IPO9: variants seen among roughly 807,000 people sequenced by gnomAD.
IPO9 encodes importin-9.
A neutral mutation model predicts 128.6 loss-of-function variants in IPO9; 28 were observed. The ratio of observed to expected loss-of-function variants is 0.22; its 90% CI spans 0.16 to 0.30. The LOEUF is 0.30. Among genes scored for constraint, IPO9 ranks in the 10% least tolerant of loss-of-function variants. The pLI, the probability that IPO9 is intolerant of heterozygous loss-of-function variation, is 1.00. For missense variants in IPO9, 935 were observed against 1,293.9 expected (o/e 0.72, Z 4.26); for synonymous variants, 455 against 475.8 (o/e 0.96, Z 0.57).
chr1:201,855,230 GAAA>G, intron 9 of IPO9, 48 bp downstream of exon 9: 1 of 1,251,322 alleles, frequency 8.0e-7, no homozygotes, highest in Non-Finnish European at 1.2e-6. Context: ...AGTGGGAAAA[GAAA>G]AAGAAGCCAG....
chr1:201,847,673 A>T (rs552346430), intron 3 of IPO9, 35 bp downstream of exon 3: 1 of 1,395,064 alleles, frequency 7.2e-7, no homozygotes, highest in Admixed American at 1.7e-5. Context: ...ACCTGAGGAG[A>T]TTTGAGGGTC....
chr1:201,854,682 T>C lies in IPO9; in HGVS notation c.778T>C (p.Ser260Pro). 6.2e-7 allele frequency: 1 copy of C among 1,614,194 alleles called. No homozygotes were observed. Among genetic ancestry groups the C allele is most frequent in the Non-Finnish European group, 8.5e-7 (1 of 1,180,024 alleles). The change falls in exon 7 of 24, where the codon TCT becomes CCT. Residue 260 changes from serine (S) to proline (P), a missense_variant. By Grantham distance (74) the Ser-to-Pro change is moderately conservative. Transcript: ENST00000361565. ...CCTCCAGATACCAGATGGCCCCACATCTGACAGTGGGTTTAAGATGGAGGT... is the reference window on the plus strand; with the variant it reads ...CCTCCAGATACCAGATGGCCCCACACCTGACAGTGGGTTTAAGATGGAGGT... ...QALQIPDGPT[S>P]DSGFKMEVLK...
At chr1:201,863,710 AATG>A in intron 14 of IPO9, 103 bp downstream of exon 14, 3 of 1,062,758 alleles carry the variant, frequency 2.8e-6, no homozygotes, top group Non-Finnish European at 4.0e-6. Flanking sequence ...AATCCCTGCT[AATG>A]ATATCCTTCA....
chr1:201,847,818 T>C (rs1333161655), intron 3 of IPO9, among the ~76,000 whole-genome samples, 180 bp downstream of exon 3: 1 of 152,206 alleles, frequency 6.6e-6, no homozygotes, highest in Non-Finnish European at 1.5e-5. Flanking sequence ...GGCTGGTCTG[T>C]GTTCAAATTC....
chr1:201,875,086 A>G, intron 22 of IPO9, 66 bp from the exon 23 acceptor site: 3 of 1,469,890 alleles, frequency 2.0e-6, no homozygotes, highest in Non-Finnish European at 2.9e-6. Flanking sequence ...GTGGTAGTAT[A>G]TCACCACTCA....
In IPO9 at chr1:201,876,625, C is replaced by T. The variant is rs555637532; in HGVS notation, c.*571C>T. 1 of 165,188 alleles carries T rather than the reference C, an allele frequency of 6.1e-6. No individual in the cohort carries two copies. The highest frequency in any genetic ancestry group is 2.4e-5 in the African/African-American group (1 of 41,746). 10.2% of individuals were successfully genotyped at this position (165,188 alleles called of 1,614,324 possible). A position where few individuals can be genotyped will look rare whatever the true frequency, so the allele number is the denominator to read the frequency against. On this transcript the variant is annotated 3_prime_UTR_variant, in exon 24 of 24. Transcript: ENST00000361565. ...GCTTCTCTTCTACAACACTAAGGCT[C>T]CTCTGTCAGAGGAGGTCGTCTTGTT...
rs373899858 is a variant in IPO9 at position 201,869,725 on chromosome 1, G to T, written c.2133+7G>T. The T allele has an allele frequency of 6.2e-6, 10 of 1,613,850 alleles. 1 individual carries two copies. The South Asian group carries it at 1.1e-4, about 18-fold the overall frequency. On this transcript the variant is annotated splice_region_variant and intron_variant, in intron 17 of 23. Coordinates refer to ENST00000361565, the MANE Select transcript of IPO9 (RefSeq NM_018085.5). The stretch of plus-strand genomic sequence containing the variant: ...TGACAATGCCACCATGCAGGTATCT[G>T]AGACATGGAGAGTAGAAGAGGGAAG...
rs908636022 is a variant in IPO9, at chr1:201,866,928, C to T, written c.1824C>T (p.Phe608=). Residue 608 remains phenylalanine (F), a synonymous_variant, in exon 15 of 24, where the codon TTC becomes TTT. Coordinates refer to ENST00000361565, the MANE Select transcript of IPO9 (RefSeq NM_018085.5). ...TASMESKICP[F]TIAIFLKYSN... is the part of the protein sequence containing the mutation. ...GCATGGAAAGCAAAATCTGCCCCTT[C>T]ACCATCGCCATTTTCCTAAAGTACA... is the stretch of plus-strand genomic sequence containing the variant. 1.2e-6 allele frequency: 2 copies of T among 1,614,140 alleles called. No individual in the cohort carries two copies. The highest frequency in any genetic ancestry group is 1.7e-6 in the Non-Finnish European group (2 of 1,179,996).
chr1:201,848,287 C>T (rs1258841025), intron 3 of IPO9, 106 bp from the exon 4 acceptor site: 13 of 894,916 alleles, frequency 1.5e-5, no homozygotes, highest in Non-Finnish European at 2.2e-5. Context: ...TGTAGACATG[C>T]AGTACCTTGT....
chr1:201,855,487 A>G (rs978135338), intron 9 of IPO9, among the ~76,000 whole-genome samples: 1 of 152,236 alleles, frequency 6.6e-6, no homozygotes, highest in East Asian at 1.9e-4. Context: ...GTCCCAGATC[A>G]TGAATCTTTC....
intron 13 of IPO9, among the ~76,000 whole-genome samples, chr1:201,859,806 A>G (rs939101552): frequency 1.3e-5 from 2 of 152,094 alleles, no homozygotes; most frequent in Non-Finnish European, 2.9e-5. Flanking sequence ...CTAAAAATAT[A>G]AAAATTAGCT....
intron 1 of IPO9, among the ~76,000 whole-genome samples, chr1:201,844,992 G>T (rs558906202): frequency 1.5e-4 from 22 of 150,426 alleles, no homozygotes; most frequent in Non-Finnish European, 2.5e-4. Flanking sequence ...TAAAAGGATT[G>T]CTTGATATAT....
chr1:201,875,901 A>T, intron 23 of IPO9, 43 bp from the exon 24 acceptor site: 1 of 1,238,946 alleles, frequency 8.1e-7, no homozygotes, highest in African/African-American at 1.5e-5. Flanking sequence ...CAAATGGGTG[A>T]CTTGCAATGT....
In IPO9 at chr1:201,881,209, A is replaced by G. The variant is rs1277360188; in HGVS notation, c.*5155A>G. 2.0e-5 allele frequency: 3 copies of G among 152,258 alleles called. No individual in the cohort carries two copies. The highest frequency in any genetic ancestry group is 1.9e-4 in the East Asian group (1 of 5,180). The allele number at this position is 152,258 out of a possible 1,614,324, so 9.4% of individuals were successfully genotyped here. Reference sequence around the variant, plus strand: ...CTTGAACACTTGCAAGGAGCTAACAATACCTGCTTCTGGAGTATTTAAACG... The same window carrying G: ...CTTGAACACTTGCAAGGAGCTAACAGTACCTGCTTCTGGAGTATTTAAACG... On this transcript the variant is annotated 3_prime_UTR_variant, in exon 24 of 24. Transcript: ENST00000361565.
At chr1:201,853,239 G>C in intron 6 of IPO9, 142 bp downstream of exon 6, 1 of 701,580 alleles carries the variant, frequency 1.4e-6, no homozygotes, top group Non-Finnish European at 2.5e-6. Context: ...TTAAATTATT[G>C]TTGTTATTTT....
In IPO9 at chr1:201,847,602, A is replaced by G. The variant is rs761861324; in HGVS notation, c.276A>G (p.Gln92=). ...ATGTGGAGACTCACTGGTGTGCCCA[A>G]TCAGAGAAATTTAGGCCTCCTGAAA... ...KQYVETHWCA[Q]SEKFRPPETT... The change falls in exon 3 of 24, where the codon CAA becomes CAG. Residue 92 remains glutamine, a synonymous_variant. Coordinates refer to ENST00000361565, the MANE Select transcript of IPO9 (RefSeq NM_018085.5). 2.0e-5 allele frequency: 33 copies of G among 1,613,974 alleles called. No individual in the cohort carries two copies. Among genetic ancestry groups the G allele is most frequent in the Non-Finnish European group, 2.6e-5 (31 of 1,179,982 alleles).
chr1:201,847,931 G>C (rs571110852), intron 3 of IPO9, among the ~76,000 whole-genome samples: 1 of 152,260 alleles, frequency 6.6e-6, no homozygotes, highest in Admixed American at 6.5e-5. Flanking sequence ...CCAACTAAGG[G>C]TTTAAGAATT....
chr1:201,843,200 G>A (rs1323679022), intron 1 of IPO9, among the ~76,000 whole-genome samples: 1 of 152,224 alleles, frequency 6.6e-6, no homozygotes, highest in Non-Finnish European at 1.5e-5. Flanking sequence ...AGGCAATATA[G>A]CTGTATTAAC....
At chr1:201,847,465 C>G in intron 2 of IPO9, 87 bp from the exon 3 acceptor site, 1 of 1,352,968 alleles carries the variant, frequency 7.4e-7, no homozygotes, top group Admixed American at 1.8e-5. Context: ...TTTAGATATA[C>G]TTCAGATGTA....
Sources: allele counts gnomAD v4.1 joint callset (sites outside exome capture counted in the v4.1 genomes callset), GRCh38; gene constraint gnomAD v4.1.1; transcripts MANE v1.5; gene names NCBI Gene and HGNC (gene_info 2026-07-23, HGNC 2026-07-21).